The following ST7 variants were observed in gnomAD, a reference collection of about 807,000 sequenced individuals.
The protein encoded by ST7 is suppression of tumorigenicity 7, also known as suppressor of tumorigenicity 7 protein.
A neutral mutation model predicts 78.7 loss-of-function variants in ST7; 28 were observed. The observed-to-expected ratio is 0.36, with a 90% confidence interval of 0.26 to 0.49. The LOEUF is 0.49. ST7 is among the 20% of genes least tolerant of loss of function. The pLI, the probability that ST7 is intolerant of heterozygous loss-of-function variation, is 0.99. For missense variants in ST7, 418 were observed against 696.0 expected (o/e 0.60, Z 4.49); for synonymous variants, 247 against 249.6 (o/e 0.99, Z 0.10).
intron 1 of ST7, among the ~76,000 whole-genome samples, chr7:117,033,820 T>G (rs900253825): frequency 3.3e-5 from 5 of 152,344 alleles, no homozygotes; most frequent in Middle Eastern, 3.4e-3. Flanking sequence ...ACTGAAATGC[T>G]CATTCTACTA....
At chr7:117,198,719 G>A (rs994125962) in intron 12 of ST7, among the ~76,000 whole-genome samples, 1 of 151,986 alleles carries the variant, frequency 6.6e-6, no homozygotes. Context: ...TCCTCTCCCT[G>A]TTGCACCTGC....
At chr7:117,110,420 C>T (rs1473587442) in intron 2 of ST7, among the ~76,000 whole-genome samples, 2 of 152,158 alleles carry the variant, frequency 1.3e-5, no homozygotes, top group East Asian at 1.9e-4. Flanking sequence ...AACTCATTTA[C>T]TCTTCCCCAC....
intron 1 of ST7, among the ~76,000 whole-genome samples, chr7:117,036,705 T>G (rs1388311424): frequency 1.3e-5 from 2 of 152,178 alleles, no homozygotes; most frequent in African/African-American, 2.4e-5. Context: ...ATTCCCATGG[T>G]ATGATATATC....
intron 1 of ST7, among the ~76,000 whole-genome samples, chr7:117,014,320 A>G (rs1284445124): frequency 6.6e-6 from 1 of 152,100 alleles, no homozygotes; most frequent in East Asian, 1.9e-4. Flanking sequence ...GGCTCAGGGT[A>G]TGTGGCAATG....
intron 1 of ST7, among the ~76,000 whole-genome samples, chr7:117,044,842 C>G (rs1198753965): frequency 2.0e-5 from 3 of 152,126 alleles, no homozygotes; most frequent in African/African-American, 7.2e-5. Context: ...TGAGCTCAAA[C>G]CTGCTCACCC....
chr7:117,143,858 A>G (rs1805530350), intron 9 of ST7, among the ~76,000 whole-genome samples: 1 of 152,192 alleles, frequency 6.6e-6, no homozygotes, highest in Non-Finnish European at 1.5e-5. Flanking sequence ...GAAGAGGAAA[A>G]GTATAAACAT....
chr7:117,106,139 C>T (rs1801942089), intron 2 of ST7, among the ~76,000 whole-genome samples: 1 of 152,088 alleles, frequency 6.6e-6, no homozygotes, highest in African/African-American at 2.4e-5. Flanking sequence ...GCTGGGACTA[C>T]AGGCGCCTGC....
At chr7:117,083,380 C>T (rs1246534744) in intron 1 of ST7, among the ~76,000 whole-genome samples, 2 of 152,078 alleles carry the variant, frequency 1.3e-5, no homozygotes, top group East Asian at 1.9e-4. Context: ...CTCAACCTCC[C>T]GAGTAGTTGG....
chr7:117,189,060 C>T (rs1010466579), intron 10 of ST7, among the ~76,000 whole-genome samples: 1 of 152,094 alleles, frequency 6.6e-6, no homozygotes, highest in Non-Finnish European at 1.5e-5. Context: ...TATGAAAATT[C>T]ATATTTTAAA....
chr7:117,149,592 C>CTTTTTT (rs59067333), intron 9 of ST7, among the ~76,000 whole-genome samples: 1 of 83,942 alleles, frequency 1.2e-5, no homozygotes, highest in Non-Finnish European at 2.4e-5. Flanking sequence ...CGTGTCCTAC[C>CTTTTTT]TTTTTTTTTT....
At chr7:117,161,103 T>C (rs919842600) in intron 9 of ST7, among the ~76,000 whole-genome samples, 4 of 137,410 alleles carry the variant, frequency 2.9e-5, no homozygotes, top group African/African-American at 1.4e-4. Flanking sequence ...CACTGTTGTT[T>C]TTTTTTTTTT....
At chr7:117,107,603 C>CTTTTT (rs71528121) in intron 2 of ST7, among the ~76,000 whole-genome samples, 3 of 73,576 alleles carry the variant, frequency 4.1e-5, no homozygotes, top group African/African-American at 1.2e-4. Context: ...TAGCCCACTT[C>CTTTTT]TTTTTTTTTT....
chr7:117,010,503 T>C (rs575468548), intron 1 of ST7, among the ~76,000 whole-genome samples: 54 of 152,268 alleles, frequency 3.5e-4, no homozygotes, highest in African/African-American at 1.3e-3. Flanking sequence ...AGATGCAGGC[T>C]GGAGTGGGTG....
intron 1 of ST7, among the ~76,000 whole-genome samples, chr7:117,074,159 G>A (rs1013486219): frequency 6.6e-6 from 1 of 152,208 alleles, no homozygotes; most frequent in Admixed American, 6.5e-5. Flanking sequence ...GGGAGGCCAA[G>A]GCGGGTGGAT....
At chr7:116,998,432 G>A (rs1470862353) in intron 1 of ST7, among the ~76,000 whole-genome samples, 1 of 152,236 alleles carries the variant, frequency 6.6e-6, no homozygotes, top group Non-Finnish European at 1.5e-5. Flanking sequence ...GGCCAGCCCT[G>A]AGAGGGGCTC....
At chr7:117,044,478 C>T (rs1048977272) in intron 1 of ST7, among the ~76,000 whole-genome samples, 24 of 152,126 alleles carry the variant, frequency 1.6e-4, no homozygotes, top group African/African-American at 5.6e-4. Flanking sequence ...TCCCGAGTAC[C>T]TGGGAGTACA....
chr7:117,160,371 A>G (rs1239494026), intron 9 of ST7, among the ~76,000 whole-genome samples: 1 of 152,022 alleles, frequency 6.6e-6, no homozygotes, highest in Non-Finnish European at 1.5e-5. Context: ...TGGGATCTCT[A>G]CATGTAGTGG....
chr7:117,032,151 G>A (rs972095745), intron 1 of ST7, among the ~76,000 whole-genome samples: 1 of 151,276 alleles, frequency 6.6e-6, no homozygotes, highest in African/African-American at 2.4e-5. Context: ...CAAAGTGCTG[G>A]GATTACACGA....
At chr7:116,955,085 A>G (rs1364497067) in intron 1 of ST7, 2 of 470,890 alleles carry the variant, frequency 4.2e-6, no homozygotes, top group Non-Finnish European at 8.8e-6. Context: ...CGGAAAGACC[A>G]TGGCTTTCTC....
Sources: gnomAD v4.1 joint callset for allele counts (sites outside exome capture counted in the v4.1 genomes callset) on GRCh38, gnomAD v4.1.1 for gene constraint, MANE v1.5 for transcripts, NCBI Gene and HGNC (gene_info 2026-07-23, HGNC 2026-07-21) for gene names.